AP3B1: variants seen among roughly 807,000 people sequenced by gnomAD.
AP3B1 encodes AP-3 complex subunit beta-1.
In AP3B1, 61 loss-of-function variants were observed where a neutral mutation model predicts 132.5. The ratio of observed to expected loss-of-function variants is 0.46; its 90% CI spans 0.37 to 0.57. The LOEUF (loss-of-function observed/expected upper bound fraction) is 0.57, where lower values mean the gene tolerates loss of function less well. Ranked by LOEUF, AP3B1 falls within the 20% of genes least tolerant of loss-of-function variation. The probability of loss-of-function intolerance (pLI) is 0.00; values close to 1 mark genes in which losing one functional copy is unlikely to be tolerated. For synonymous variants in AP3B1, 388 were observed against 438.3 expected (o/e 0.89, Z 1.43); for missense variants, 1,120 against 1,289.4 (o/e 0.87, Z 2.01).
Position 78,294,586 on chromosome 5 carries a change from G to C in AP3B1, c.-7C>G. On this transcript the variant is annotated 5_prime_UTR_variant, in exon 1 of 27. Transcript: ENST00000255194. ...GAAAACTATTGCTGGACATTGCCGC[G>C]GTGCTGGCGGGTGCGGGGTTGGTCC... 1.9e-6 allele frequency: 3 copies of C among 1,613,998 alleles called. No individual in the cohort carries two copies. The highest frequency in any genetic ancestry group is 2.5e-6 in the Non-Finnish European group (3 of 1,180,044).
At chr5:78,281,484 C>T (rs1457679424) in intron 1 of AP3B1, among the ~76,000 whole-genome samples, 2 of 150,734 alleles carry the variant, frequency 1.3e-5, no homozygotes, top group Non-Finnish European at 3.0e-5. Context: ...TTAATTATCC[C>T]ATTATAATTT....
intron 19 of AP3B1, among the ~76,000 whole-genome samples, chr5:78,113,156 T>C (rs936371913): frequency 2.0e-5 from 3 of 152,210 alleles, no homozygotes; most frequent in Non-Finnish European, 2.9e-5. Context: ...AGGACCATCA[T>C]GTCGGCAGAG....
chr5:78,026,799 C>G (rs1048830340), intron 24 of AP3B1, among the ~76,000 whole-genome samples: 1 of 152,176 alleles, frequency 6.6e-6, no homozygotes, highest in Non-Finnish European at 1.5e-5. Context: ...ATACCAGACA[C>G]AAAAGTTATT....
intron 14 of AP3B1, among the ~76,000 whole-genome samples, chr5:78,151,643 T>C (rs995104915): frequency 6.6e-6 from 1 of 152,210 alleles, no homozygotes; most frequent in Admixed American, 6.5e-5. Context: ...TCTGTTGATA[T>C]GATGAATCAC....
intron 13 of AP3B1, among the ~76,000 whole-genome samples, chr5:78,159,932 TA>T (rs1158652599): frequency 6.6e-6 from 1 of 152,220 alleles, no homozygotes; most frequent in Non-Finnish European, 1.5e-5. Context: ...TTAATGGACC[TA>T]ACTTTAAAAA....
At chr5:78,046,092 T>C (rs1266391762) in intron 22 of AP3B1, among the ~76,000 whole-genome samples, 1 of 152,234 alleles carries the variant, frequency 6.6e-6, no homozygotes, top group African/African-American at 2.4e-5. Flanking sequence ...TGTTAGATCC[T>C]TGCCATTCCA....
chr5:78,012,965 G>A (rs1270645278), intron 26 of AP3B1, among the ~76,000 whole-genome samples: 1 of 152,160 alleles, frequency 6.6e-6, no homozygotes, highest in Non-Finnish European at 1.5e-5. Flanking sequence ...ATACAACTGT[G>A]CTAAGGGTCC....
chr5:78,085,276 G>A (rs897716499), intron 22 of AP3B1, among the ~76,000 whole-genome samples: 1 of 152,108 alleles, frequency 6.6e-6, no homozygotes, highest in East Asian at 1.9e-4. Flanking sequence ...CAGGCAAGAT[G>A]GTTCTTTAAT....
intron 23 of AP3B1, among the ~76,000 whole-genome samples, chr5:78,038,489 T>G (rs1034251224): frequency 2.6e-5 from 4 of 152,198 alleles, no homozygotes; most frequent in Non-Finnish European, 5.9e-5. Flanking sequence ...CTCATAATGT[T>G]TTAAGAAACT....
chr5:78,048,606 A>G (rs1295535343), intron 22 of AP3B1, among the ~76,000 whole-genome samples: 1 of 152,102 alleles, frequency 6.6e-6, no homozygotes, highest in African/African-American at 2.4e-5. Flanking sequence ...CTGTGGCCAC[A>G]TTTCCTGCCA....
In AP3B1 at chr5:78,113,781, G is replaced by C; in HGVS notation, c.2220C>G (p.Ala740=). Residue 740 remains alanine (A), a synonymous_variant, in exon 19 of 27, where the codon GCC becomes GCG. Transcript: ENST00000255194. ...RESGLENKRT[A]KRNSKAKGKS... ...TTCCTTTGGCTTTTGAGTTCCTCTT[G>C]GCTGTTCTTTTGTTTTCTAGGCCTG... 1 of 1,613,966 alleles carries C rather than the reference G, an allele frequency of 6.2e-7. No homozygotes were observed. The highest frequency in any genetic ancestry group is 8.5e-7 in the Non-Finnish European group (1 of 1,180,022).
chr5:78,038,536 T>C (rs982083920), intron 23 of AP3B1, among the ~76,000 whole-genome samples: 1 of 152,224 alleles, frequency 6.6e-6, no homozygotes, highest in African/African-American at 2.4e-5. Context: ...AAAGCTGGCC[T>C]GAGCCAGGTT....
At chr5:78,138,543 G>A (rs1395384471) in intron 15 of AP3B1, among the ~76,000 whole-genome samples, 1 of 152,078 alleles carries the variant, frequency 6.6e-6, no homozygotes, top group Non-Finnish European at 1.5e-5. Flanking sequence ...TTCAAAAACA[G>A]AGAACAACTC....
At chr5:78,042,596 C>G in intron 22 of AP3B1, 1 of 194,666 alleles carries the variant, frequency 5.1e-6, no homozygotes, top group Non-Finnish European at 1.1e-5. Context: ...TTGTCTTCTG[C>G]CACCTCAGAG....
chr5:78,189,801 CAG>C (rs1490547531), intron 7 of AP3B1, among the ~76,000 whole-genome samples: 3 of 151,454 alleles, frequency 2.0e-5, no homozygotes, highest in Non-Finnish European at 4.4e-5. Context: ...ACCTGGGACA[CAG>C]AGGTTGCAGT....
rs369572785 is a variant in AP3B1, at chr5:78,201,826, C to T, written c.786+14229G>A. 2.9e-4 allele frequency among the ~76,000 whole-genome samples: 44 copies of T among 152,222 alleles called. No individual in the cohort carries two copies. In the South Asian group the frequency reaches 8.5e-3, roughly 29 times the overall value. On this transcript the variant is annotated intron_variant, in intron 7 of 26. Transcript: ENST00000255194. The stretch of plus-strand genomic sequence containing the variant: ...TTCCACAGGGTAATGGAAAAAGAGA[C>T]GTTGTCCTCCTCTCCCCAGAAAAAA...
chr5:78,175,589 T>C (rs1446458165), intron 11 of AP3B1, 37 bp downstream of exon 11: 1 of 1,526,784 alleles, frequency 6.5e-7, no homozygotes, highest in Non-Finnish European at 9.1e-7. Flanking sequence ...TCAAAACAAA[T>C]GTGTTAAAAG....
intron 22 of AP3B1, among the ~76,000 whole-genome samples, chr5:78,051,994 A>G (rs1280659766): frequency 6.6e-6 from 1 of 151,454 alleles, no homozygotes; most frequent in African/African-American, 2.5e-5. Flanking sequence ...GCTAGCATTA[A>G]CCTAGTATTG....
chr5:78,275,660 G>C lies in AP3B1; in HGVS notation c.129-8065C>G, dbSNP rs540968171. ...CCAGCTAATTTTTTGTATTTTAGTA[G>C]GGACAGTTTTCACCATGTTGGCTAA... On this transcript the variant is annotated intron_variant, in intron 1 of 26. Coordinates refer to ENST00000255194, the MANE Select transcript of AP3B1 (RefSeq NM_003664.5). 1.4e-4 allele frequency among the ~76,000 whole-genome samples: 22 copies of C among 152,126 alleles called. 2 individuals carry two copies. The South Asian group carries it at 4.6e-3, about 32-fold the overall frequency.
Sources: allele counts gnomAD v4.1 joint callset (sites outside exome capture counted in the v4.1 genomes callset), GRCh38; gene constraint gnomAD v4.1.1; transcripts MANE v1.5; gene names NCBI Gene and HGNC (gene_info 2026-07-23, HGNC 2026-07-21).